Variants in USP33 observed in about 807,000 individuals in gnomAD.
USP33 encodes the protein ubiquitin carboxyl-terminal hydrolase 33.
In USP33, 46 loss-of-function variants were observed where a neutral mutation model predicts 124.2. The observed-to-expected ratio is 0.37, with a 90% CI of 0.29 to 0.47. The LOEUF is 0.47. Among genes scored for constraint, USP33 ranks in the 20% least tolerant of loss-of-function variants. The pLI is 0.99. For missense variants in USP33, 851 were observed against 1,070.6 expected (o/e 0.79, Z 2.86); for synonymous variants, 350 against 352.3 (o/e 0.99, Z 0.07).
intron 21 of USP33, among the ~76,000 whole-genome samples, chr1:77,706,137 T>C (rs541509530): frequency 6.2e-4 from 95 of 152,204 alleles, no homozygotes; most frequent in Non-Finnish European, 1.1e-3. Flanking sequence ...TGTTTTATGT[T>C]AACATAAATT....
At position 77,723,166 on chromosome 1, in the gene USP33, A is replaced by C. The variant is rs1348373344; in HGVS notation, c.1389+165T>G. On this transcript the variant is annotated intron_variant, in intron 12 of 23. Transcript: ENST00000370794. ...AAACAGGATGCTGCTACTTCCAAAA[A>C]AAATTCTACACCTAGAATCAAATTT... Among the ~76,000 whole-genome samples, 5 of 152,064 alleles carry C rather than the reference A, an allele frequency of 3.3e-5. No homozygotes were observed. In the East Asian group the frequency reaches 9.6e-4, roughly 29 times the overall value.
rs138551406 is a variant in USP33 at position 77,728,437 on chromosome 1, A to G, written c.993T>C (p.Asp331=). 2,401 of 1,613,922 alleles carry G rather than the reference A, an allele frequency of 1.5e-3. 33 individuals are homozygous for G. The African/African-American group carries it at 0.026, about 18-fold the overall frequency. The change falls in exon 10 of 24, where the codon GAT becomes GAC. Residue 331 remains aspartate, a synonymous_variant. Transcript: ENST00000370794. ...TATTGCACATCTTCTCTTTTTGCCA[A>G]TCCTTTGACATTTCTGAATTGTTTT... ...DDENNSEMSK[D]WQKEKMCNKI... is the part of the protein sequence containing the mutation.
chr1:77,698,065 ATTCT>A (rs1020725480), intron 22 of USP33, 134 bp from the exon 23 acceptor site: 19 of 628,524 alleles, frequency 3.0e-5, no homozygotes, highest in Non-Finnish European at 5.0e-5. Flanking sequence ...ATTATAGTTA[ATTCT>A]TTTTTTTTTT....
chr1:77,713,557 CTTT>C (rs1192112747), intron 19 of USP33: 529 of 145,028 alleles, frequency 3.6e-3, no homozygotes, highest in Middle Eastern at 0.014. Context: ...GCTAACTTTT[CTTT>C]TTTTTTTTTT....
At chr1:77,740,850 C>G (rs1679040095) in intron 4 of USP33, 27 bp downstream of exon 4, 1 of 1,513,998 alleles carries the variant, frequency 6.6e-7, no homozygotes, top group South Asian at 1.2e-5. Context: ...TTTAACAAGT[C>G]TTCCATTAAA....
chr1:77,709,477 G>A (rs1159985795), intron 21 of USP33, among the ~76,000 whole-genome samples: 1 of 151,926 alleles, frequency 6.6e-6, no homozygotes, highest in African/African-American at 2.4e-5. Flanking sequence ...ACCAGCCACT[G>A]CATTCCAGCC....
chr1:77,725,568 T>G, intron 11 of USP33, 54 bp downstream of exon 11: 1 of 1,561,068 alleles, frequency 6.4e-7, no homozygotes, highest in African/African-American at 1.4e-5. Flanking sequence ...ACCAAAACCA[T>G]CATTTTAAAC....
chr1:77,701,314 TCAAA>T, intron 22 of USP33, 51 bp downstream of exon 22: 1 of 1,295,428 alleles, frequency 7.7e-7, no homozygotes, highest in Admixed American at 2.0e-5. Flanking sequence ...GAAATACTTG[TCAAA>T]CAAAAAAACA....
At chr1:77,699,519 A>G (rs774722361) in intron 22 of USP33, among the ~76,000 whole-genome samples, 100 of 152,128 alleles carry the variant, frequency 6.6e-4, no homozygotes, top group Non-Finnish European at 1.2e-3. Context: ...TCTTTTTCAA[A>G]AAAAAGAGAG....
At chr1:77,759,426 G>A (rs1375880058) in intron 1 of USP33, 8 of 394,742 alleles carry the variant, frequency 2.0e-5, no homozygotes, top group Non-Finnish European at 3.1e-5. Context: ...TCCACCGACC[G>A]TTGACAGGGC....
rs1673494262 is a variant in USP33, at chr1:77,697,101, A to G, written c.*216T>C. 5.1e-6 allele frequency: 2 copies of G among 394,208 alleles called. No individual in the cohort carries two copies. The highest frequency in any genetic ancestry group is 8.8e-5 in the Admixed American group (2 of 22,704). 24.4% of individuals were successfully genotyped at this position (394,208 alleles called of 1,614,324 possible). A position where few individuals can be genotyped will look rare whatever the true frequency, so the allele number is the denominator to read the frequency against. ...TGTCTCAAAAAAAAATTACACTGAA[A>G]GACTTTATGGTAAGTATTTAAAACT... On this transcript the variant is annotated 3_prime_UTR_variant, in exon 24 of 24. Coordinates refer to ENST00000370794, the MANE Select transcript of USP33 (RefSeq NM_201624.3).
chr1:77,715,710 T>A lies in USP33; in HGVS notation c.2045+32A>T, dbSNP rs1245644402. On this transcript the variant is annotated intron_variant, in intron 18 of 23. Coordinates refer to ENST00000370794, the MANE Select transcript of USP33 (RefSeq NM_201624.3). The stretch of plus-strand genomic sequence containing the variant: ...ACTGATAAGCCCAAAATGTGAGAGA[T>A]GTCCTTTCGCATCTACACTTATTTC... 5.0e-6 allele frequency: 8 copies of A among 1,603,336 alleles called. No homozygotes were observed. In the African/African-American group the frequency reaches 8.1e-5, roughly 16 times the overall value.
rs373207870 is a variant in USP33 at position 77,703,930 on chromosome 1, G to A, written c.2407-2459C>T. Among the ~76,000 whole-genome samples the A allele has an allele frequency of 2.6e-5, 4 of 152,124 alleles. 1 individual carries two copies. The highest frequency in any genetic ancestry group is 9.6e-5 in the African/African-American group (4 of 41,502). On this transcript the variant is annotated intron_variant, in intron 21 of 23. Transcript: ENST00000370794. ...TATTCATCAGGAGGCTGATGTGGGG[G>A]ATCTCTTGAGCCTGGGAGATCAAGG...
intron 1 of USP33, among the ~76,000 whole-genome samples, chr1:77,752,431 G>A (rs776480212): frequency 5.3e-5 from 8 of 152,116 alleles, no homozygotes; most frequent in South Asian, 2.1e-4. Context: ...GAGCCACTGC[G>A]CCTGGCCTTA....
chr1:77,732,093 G>A (rs1249058583), intron 7 of USP33, among the ~76,000 whole-genome samples: 2 of 146,694 alleles, frequency 1.4e-5, no homozygotes, highest in Non-Finnish European at 3.0e-5. Flanking sequence ...GACAGAGTAA[G>A]ACCCTGTCTC....
chr1:77,721,559 T>G lies in USP33; in HGVS notation c.1657+272A>C. ...CACACAAATAAGTCCATTATTTTGG[T>G]TGAGTTTGCCCTTCTATGGATCTCA... On this transcript the variant is annotated intron_variant, in intron 14 of 23. Transcript: ENST00000370794. The G allele has an allele frequency of 1.2e-5, 6 of 490,396 alleles. No individual in the cohort carries two copies. In the South Asian group the frequency reaches 1.6e-4, roughly 13 times the overall value. The allele number at this position is 490,396 out of a possible 1,614,324, so 30.4% of individuals were successfully genotyped here.
intron 18 of USP33, 147 bp from the exon 19 acceptor site, chr1:77,714,930 T>C: frequency 3.9e-6 from 3 of 776,358 alleles, no homozygotes; most frequent in Non-Finnish European, 4.1e-6. Flanking sequence ...CTTTGTATTA[T>C]CCACCAAATA....
intron 5 of USP33, among the ~76,000 whole-genome samples, chr1:77,738,458 T>C (rs1433440955): frequency 6.6e-6 from 1 of 152,160 alleles, no homozygotes; most frequent in Non-Finnish European, 1.5e-5. Flanking sequence ...TCTAAGTCTC[T>C]TGATCCAAAA....
chr1:77,709,144 T>A (rs1674953468), intron 21 of USP33, among the ~76,000 whole-genome samples: 1 of 152,222 alleles, frequency 6.6e-6, no homozygotes, highest in South Asian at 2.1e-4. Flanking sequence ...TTTCCATTTA[T>A]TCATTTATTT....
Sources: allele counts gnomAD v4.1 joint callset (sites outside exome capture counted in the v4.1 genomes callset), GRCh38; gene constraint gnomAD v4.1.1; transcripts MANE v1.5; gene names NCBI Gene and HGNC (gene_info 2026-07-23, HGNC 2026-07-21).